SOX5: variants seen among roughly 807,000 people sequenced by gnomAD.
SOX5 encodes the protein SRY-box transcription factor 5.
Under a neutral mutation model 92.0 loss-of-function variants are expected in SOX5, and 9 were observed. That is an observed-to-expected ratio of 0.10 (90% confidence interval 0.06 to 0.17). The LOEUF (loss-of-function observed/expected upper bound fraction) is 0.17, where lower values mean the gene tolerates loss of function less well. SOX5 is among the 10% of genes least tolerant of loss of function. SOX5 has a pLI of 1.00. For synonymous variants in SOX5, 344 were observed against 336.3 expected (o/e 1.02, Z -0.25); for missense variants, 642 against 944.5 (o/e 0.68, Z 4.20).
intron 4 of SOX5, among the ~76,000 whole-genome samples, chr12:24,189,424 A>G (rs1330674456): frequency 6.6e-6 from 1 of 152,184 alleles, no homozygotes; most frequent in Non-Finnish European, 1.5e-5. Flanking sequence ...GGTACTGTTG[A>G]TAGGTGATTT....
At chr12:23,745,395 A>G (rs1290820542) in intron 4 of SOX5, among the ~76,000 whole-genome samples, 5 of 152,138 alleles carry the variant, frequency 3.3e-5, no homozygotes, top group African/African-American at 1.2e-4. Context: ...TTCCTAGATA[A>G]CAAAGTCATA....
chr12:23,605,542 T>G (rs1163758610), intron 8 of SOX5, among the ~76,000 whole-genome samples: 1 of 151,184 alleles, frequency 6.6e-6, no homozygotes, highest in African/African-American at 2.4e-5. Context: ...TGTCTTGAGA[T>G]TCCATGGATA....
intron 11 of SOX5, among the ~76,000 whole-genome samples, chr12:23,552,163 T>C (rs1247236825): frequency 6.6e-6 from 1 of 151,898 alleles, no homozygotes; most frequent in Non-Finnish European, 1.5e-5. Context: ...ATGACAAATA[T>C]CTAATTTTGA....
At chr12:24,015,228 T>A (rs1384738882) in intron 4 of SOX5, among the ~76,000 whole-genome samples, 1 of 152,078 alleles carries the variant, frequency 6.6e-6, no homozygotes. Flanking sequence ...CAGATTAATC[T>A]CCTTTTTCTC....
chr12:24,009,914 C>A (rs905740722), intron 4 of SOX5, among the ~76,000 whole-genome samples: 1 of 152,006 alleles, frequency 6.6e-6, no homozygotes, highest in Admixed American at 6.6e-5. Flanking sequence ...GGACAATGAA[C>A]AAAGTAGAGA....
chr12:23,900,917 G>A (rs892478012), intron 1 of SOX5, among the ~76,000 whole-genome samples: 6 of 152,040 alleles, frequency 3.9e-5, no homozygotes, highest in East Asian at 1.9e-4. Flanking sequence ...CTGAGATCGC[G>A]CCACTGCTCT....
At chr12:24,435,665 C>T (rs1408097526) in intron 1 of SOX5, among the ~76,000 whole-genome samples, 1 of 152,152 alleles carries the variant, frequency 6.6e-6, no homozygotes, top group Non-Finnish European at 1.5e-5. Context: ...AACAACTTGA[C>T]AAGTGAATGA....
intron 1 of SOX5, among the ~76,000 whole-genome samples, chr12:24,371,243 C>T (rs1287224861): frequency 7.2e-5 from 11 of 152,176 alleles, no homozygotes; most frequent in Admixed American, 6.5e-4. Flanking sequence ...TACGGACAAG[C>T]CCTAGCTAAC....
At chr12:24,479,753 C>T (rs1206281242) in intron 1 of SOX5, among the ~76,000 whole-genome samples, 1 of 151,960 alleles carries the variant, frequency 6.6e-6, no homozygotes, top group Non-Finnish European at 1.5e-5. Flanking sequence ...GCAACCTGTG[C>T]CTCCCAGGTT....
chr12:23,943,434 C>T (rs1944011965), intron 1 of SOX5, among the ~76,000 whole-genome samples: 1 of 152,010 alleles, frequency 6.6e-6, no homozygotes. Context: ...GATAAAAATT[C>T]ATCACGACGG....
At chr12:24,360,428 C>G (rs138284079) in intron 2 of SOX5, among the ~76,000 whole-genome samples, 210 of 152,186 alleles carry the variant, frequency 1.4e-3, no homozygotes, top group African/African-American at 4.8e-3. Context: ...TTTATGTCAA[C>G]TAGGAAAATC....
intron 4 of SOX5, among the ~76,000 whole-genome samples, chr12:23,978,333 TA>T (rs1302612682): frequency 1.3e-5 from 2 of 152,148 alleles, no homozygotes; most frequent in African/African-American, 4.8e-5. Context: ...AGTAAACCAA[TA>T]AAACATATCA....
chr12:24,005,104 G>A (rs1260090321), intron 4 of SOX5, among the ~76,000 whole-genome samples: 1 of 151,860 alleles, frequency 6.6e-6, no homozygotes, highest in Non-Finnish European at 1.5e-5. Flanking sequence ...AAATGGGCAT[G>A]AGGTATCTTT....
intron 6 of SOX5, among the ~76,000 whole-genome samples, chr12:23,731,369 C>A (rs1408056842): frequency 6.6e-6 from 1 of 152,152 alleles, no homozygotes. Flanking sequence ...TTTATCTATA[C>A]CTACATCTAT....
chr12:23,837,270 A>AAG lies in SOX5; in HGVS notation c.481+8712_481+8713insCT, dbSNP rs1164832831. ...ATATATTTATATTTATATAATATAT[A>AAG]ATATGTATTTATATTTATATTTATA... On this transcript the variant is annotated intron_variant, in intron 3 of 14. Transcript: ENST00000451604. 4.7e-4 allele frequency among the ~76,000 whole-genome samples: 31 copies of AAG among 66,354 alleles called. 1 individual carries two copies. Among genetic ancestry groups the AAG allele is most frequent in the African/African-American group, 9.2e-4 (22 of 23,908 alleles). 43.5% of individuals were successfully genotyped at this position (66,354 alleles called of 152,430 possible).
intron 1 of SOX5, among the ~76,000 whole-genome samples, chr12:24,501,894 GA>G (rs969811212): frequency 2.6e-5 from 4 of 151,940 alleles, no homozygotes; most frequent in African/African-American, 9.7e-5. Context: ...ATGGTAAATG[GA>G]AAAAAAGAAA....
chr12:24,021,670 T>C (rs933136665), intron 4 of SOX5, among the ~76,000 whole-genome samples: 2 of 152,178 alleles, frequency 1.3e-5, no homozygotes, highest in Non-Finnish European at 2.9e-5. Context: ...ATCAGCACGG[T>C]ATCTTACGAT....
chr12:24,061,881 G>T (rs997206665), intron 4 of SOX5, among the ~76,000 whole-genome samples: 1 of 152,094 alleles, frequency 6.6e-6, no homozygotes, highest in Admixed American at 6.6e-5. Context: ...AACACTGCTT[G>T]CTAGTCATTA....
At chr12:24,170,107 C>T (rs568244214) in intron 4 of SOX5, among the ~76,000 whole-genome samples, 1 of 152,152 alleles carries the variant, frequency 6.6e-6, no homozygotes, top group African/African-American at 2.4e-5. Flanking sequence ...CCGTTTTTCT[C>T]AGGGGCTCGT....
Sources: gnomAD v4.1 joint callset for allele counts (sites outside exome capture counted in the v4.1 genomes callset) on GRCh38, gnomAD v4.1.1 for gene constraint, MANE v1.5 for transcripts, NCBI Gene and HGNC (gene_info 2026-07-23, HGNC 2026-07-21) for gene names.